PRKAR2B: variants seen among roughly 807,000 people sequenced by gnomAD.
The protein encoded by PRKAR2B is cAMP-dependent protein kinase type II-beta regulatory subunit.
Under a neutral mutation model 49.9 loss-of-function variants are expected in PRKAR2B, and 14 were observed. That is an observed-to-expected ratio of 0.28 (90% CI 0.19 to 0.44). The LOEUF (loss-of-function observed/expected upper bound fraction) is 0.44. Among genes scored for constraint, PRKAR2B ranks in the 20% least tolerant of loss-of-function variants. The pLI is 1.00. For missense variants in PRKAR2B, 393 were observed against 537.9 expected (o/e 0.73, Z 2.67); for synonymous variants, 196 against 197.7 (o/e 0.99, Z 0.07).
At position 107,157,199 on chromosome 7, in the gene PRKAR2B, T is replaced by C. The variant is rs751385940; in HGVS notation, c.998T>C (p.Val333Ala). The C allele has an allele frequency of 6.2e-7, 1 of 1,612,716 alleles. No individual in the cohort carries two copies. Among genetic ancestry groups the C allele is most frequent in the Non-Finnish European group, 8.5e-7 (1 of 1,179,290 alleles). Residue 333 changes from valine (V) to alanine (A), a missense_variant, in exon 10 of 11, where the codon GTG becomes GCG. By Grantham distance (64) the Val-to-Ala change is moderately conservative. This residue lies in a region of PRKAR2B where 233 missense variants were observed against 390.4 expected (regional missense o/e 0.60). Transcript: ENST00000265717. ...TTGCCTTGTCAGGGTAAATCAGAAG[T>C]GGAAGAGAATGGTGCAGTAGAAATC... ...ITMKRKGKSE[V>A]EENGAVEIAR...
intron 8 of PRKAR2B, 48 bp downstream of exon 8, chr7:107,153,299 G>A (rs776129920): frequency 6.7e-6 from 9 of 1,348,292 alleles, no homozygotes; most frequent in Non-Finnish European, 9.2e-6. Flanking sequence ...ATTCCAAAAG[G>A]TTCCTGTAGT....
chr7:107,072,880 A>G (rs1486748333), intron 2 of PRKAR2B, among the ~76,000 whole-genome samples: 2 of 152,160 alleles, frequency 1.3e-5, no homozygotes, highest in Non-Finnish European at 2.9e-5. Context: ...AAGAATGGTA[A>G]TTTAGGGGAA....
intron 6 of PRKAR2B, among the ~76,000 whole-genome samples, chr7:107,148,174 G>C (rs775467294): frequency 4.6e-5 from 7 of 152,208 alleles, no homozygotes; most frequent in Non-Finnish European, 8.8e-5. Context: ...TTGTCTGCCT[G>C]TAATTAAAGT....
intron 2 of PRKAR2B, among the ~76,000 whole-genome samples, chr7:107,089,064 T>C (rs1794673430): frequency 6.6e-6 from 1 of 151,964 alleles, no homozygotes; most frequent in African/African-American, 2.4e-5. Context: ...TGCTACTCGG[T>C]AGGCTGAGGC....
chr7:107,105,713 G>A (rs988140745), intron 2 of PRKAR2B, among the ~76,000 whole-genome samples: 1 of 152,034 alleles, frequency 6.6e-6, no homozygotes, highest in Non-Finnish European at 1.5e-5. Flanking sequence ...GGAGCCTGGG[G>A]TAGTCCCTTT....
At chr7:107,075,010 G>A (rs1350725613) in intron 2 of PRKAR2B, among the ~76,000 whole-genome samples, 1 of 151,650 alleles carries the variant, frequency 6.6e-6, no homozygotes, top group East Asian at 1.9e-4. Flanking sequence ...ACTTCTTTGA[G>A]TTTAATTTTA....
At chr7:107,149,369 G>C (rs975815495) in intron 6 of PRKAR2B, among the ~76,000 whole-genome samples, 1 of 152,086 alleles carries the variant, frequency 6.6e-6, no homozygotes, top group Non-Finnish European at 1.5e-5. Flanking sequence ...TATAGAATGG[G>C]TGGCTTAAGC....
intron 1 of PRKAR2B, among the ~76,000 whole-genome samples, chr7:107,050,333 CTTTTTTTTTTTTTTTTT>C (rs57752789): frequency 1.5e-5 from 1 of 68,582 alleles, no homozygotes; most frequent in Non-Finnish European, 2.6e-5. Flanking sequence ...CAGTTACCAG[CTTTTTTTTTTTTTTTTT>C]TTTTTTTTTT....
intron 2 of PRKAR2B, among the ~76,000 whole-genome samples, chr7:107,111,314 C>T (rs191062761): frequency 3.4e-4 from 52 of 152,322 alleles, no homozygotes; most frequent in Admixed American, 3.4e-3. Flanking sequence ...CTGGATCTGC[C>T]TGGGGCTTGG....
chr7:107,154,004 C>A (rs1796035005), intron 8 of PRKAR2B, among the ~76,000 whole-genome samples: 1 of 152,022 alleles, frequency 6.6e-6, no homozygotes, highest in Non-Finnish European at 1.5e-5. Flanking sequence ...GTCTTTGAGA[C>A]TGAGAAAAAG....
intron 1 of PRKAR2B, chr7:107,066,510 G>A (rs1424745068): frequency 1.3e-5 from 2 of 152,044 alleles, no homozygotes; most frequent in African/African-American, 2.4e-5. Context: ...CACTAAATAA[G>A]CGTCAGTCTC....
At chr7:107,155,990 C>T (rs1303640111) in intron 8 of PRKAR2B, among the ~76,000 whole-genome samples, 1 of 152,134 alleles carries the variant, frequency 6.6e-6, no homozygotes, top group Non-Finnish European at 1.5e-5. Context: ...TCATTCTCAG[C>T]AGACTAACAC....
intron 6 of PRKAR2B, among the ~76,000 whole-genome samples, chr7:107,148,273 A>G (rs1264553666): frequency 2.0e-5 from 3 of 152,224 alleles, no homozygotes; most frequent in African/African-American, 7.2e-5. Context: ...GTTGCCGTTC[A>G]GATTCAGATT....
chr7:107,045,713 A>C (rs1793674734), intron 1 of PRKAR2B, among the ~76,000 whole-genome samples: 1 of 152,178 alleles, frequency 6.6e-6, no homozygotes, highest in South Asian at 2.1e-4. Context: ...AGAAGCATGA[A>C]ATTGGACTCA....
chr7:107,092,443 G>A (rs975319070), intron 2 of PRKAR2B, among the ~76,000 whole-genome samples: 2 of 152,078 alleles, frequency 1.3e-5, no homozygotes, highest in East Asian at 3.9e-4. Flanking sequence ...TCTTTCAGGG[G>A]ATAGCGGTGT....
At chr7:107,058,317 A>G (rs1190339263) in intron 1 of PRKAR2B, among the ~76,000 whole-genome samples, 1 of 152,204 alleles carries the variant, frequency 6.6e-6, no homozygotes, top group Non-Finnish European at 1.5e-5. Context: ...CTGAAATACA[A>G]ATTAATTGGC....
intron 4 of PRKAR2B, among the ~76,000 whole-genome samples, chr7:107,136,781 C>T (rs1795708961): frequency 6.6e-6 from 1 of 152,164 alleles, no homozygotes; most frequent in African/African-American, 2.4e-5. Flanking sequence ...ATACTCTTAC[C>T]ATCCTCTCCA....
chr7:107,157,342 G>A lies in PRKAR2B; in HGVS notation c.1123+18G>A, dbSNP rs1177457433. 6.2e-7 allele frequency: 1 copy of A among 1,600,310 alleles called. No individual in the cohort carries two copies. Among genetic ancestry groups the A allele is most frequent in the Admixed American group, 1.7e-5 (1 of 57,450 alleles). The stretch of plus-strand genomic sequence containing the variant: ...ATGTTTAGGTAGGGATTGCAACAGT[G>A]GGCGTGCTTCTGCTGGTTGAACTTA... On this transcript the variant is annotated intron_variant, in intron 10 of 10. Transcript: ENST00000265717.
intron 2 of PRKAR2B, among the ~76,000 whole-genome samples, chr7:107,093,520 T>C (rs947274266): frequency 3.3e-5 from 5 of 152,072 alleles, no homozygotes; most frequent in African/African-American, 1.2e-4. Flanking sequence ...TTCTTTTTTT[T>C]TTTTATTATA....
Sources: allele counts gnomAD v4.1 joint callset (sites outside exome capture counted in the v4.1 genomes callset), GRCh38; gene constraint gnomAD v4.1.1; regional missense constraint gnomAD v4.1.1; transcripts MANE v1.5; gene names NCBI Gene and HGNC (gene_info 2026-07-23, HGNC 2026-07-21).